MED28: variants seen among roughly 807,000 people sequenced by gnomAD.
MED28 encodes mediator of RNA polymerase II transcription subunit 28.
A neutral mutation model predicts 21.3 loss-of-function variants in MED28; 26 were observed. That is an observed-to-expected ratio of 1.22 (90% CI 0.89 to 1.69). The LOEUF (loss-of-function observed/expected upper bound fraction) is 1.69. Ranked by LOEUF, MED28 falls within the 40% of genes most tolerant of loss-of-function variation. The pLI, the probability that MED28 is intolerant of heterozygous loss-of-function variation, is 0.00. For missense variants in MED28, 257 were observed against 215.4 expected, an observed-to-expected ratio of 1.19 and a Z score of -1.21; for synonymous variants, 110 against 87.6, an observed-to-expected ratio of 1.26 and a Z score of -1.43.
chr4:17,616,725 A>T, intron 1 of MED28, among the ~76,000 whole-genome samples: 1 of 152,134 alleles, frequency 6.6e-6, no homozygotes, highest in East Asian at 1.9e-4. Flanking sequence ...GAAGTCAGAG[A>T]CTACCTGTTT....
In MED28 at chr4:17,632,145, G is replaced by T. The variant is rs976573468; in HGVS notation, c.*8347G>T. The T allele has an allele frequency of 7.4e-6, 1 of 135,646 alleles. No homozygotes were observed. Among genetic ancestry groups the T allele is most frequent in the African/African-American group, 2.8e-5 (1 of 35,794 alleles). The allele number at this position is 135,646 out of a possible 1,614,324, so 8.4% of individuals were successfully genotyped here. ...GTTGGAATGCAGGAGTTCGAACTTG[G>T]CTCACTGCAACCTCTGCCTCCTAGG... On this transcript the variant is annotated 3_prime_UTR_variant, in exon 4 of 4. Transcript: ENST00000237380.
In MED28 at chr4:17,625,702, GCTAA is replaced by G. The variant is rs1458994519; in HGVS notation, c.*1907_*1910del. Reference sequence around the variant, plus strand: ...AATCCTCTAAGAAACCCTCTGAGCTGCTAACTTTTTCAGGGAGAAAATCACAAGC... The same window carrying G: ...AATCCTCTAAGAAACCCTCTGAGCTGCTTTTTCAGGGAGAAAATCACAAGC... On this transcript the variant is annotated 3_prime_UTR_variant, in exon 4 of 4. Coordinates refer to ENST00000237380, the MANE Select transcript of MED28 (RefSeq NM_025205.5). 1 of 445,118 alleles carries G rather than the reference GCTAA, an allele frequency of 2.2e-6. No homozygotes were observed. The highest frequency in any genetic ancestry group is 4.5e-6 in the Non-Finnish European group (1 of 223,866). 27.6% of individuals were successfully genotyped at this position (445,118 alleles called of 1,614,324 possible). A position where few individuals can be genotyped will look rare whatever the true frequency, so the allele number is the denominator to read the frequency against.
intron 3 of MED28, among the ~76,000 whole-genome samples, chr4:17,622,115 T>A (rs1486045349): frequency 6.6e-6 from 1 of 152,254 alleles, no homozygotes; most frequent in Non-Finnish European, 1.5e-5. Context: ...CCCAGGTTCC[T>A]GGAAACTCAG....
At chr4:17,614,877 G>T in intron 1 of MED28, 64 bp downstream of exon 1, 2 of 1,512,606 alleles carry the variant, frequency 1.3e-6, no homozygotes, top group Non-Finnish European at 1.8e-6. Context: ...TGAACTGCGC[G>T]TACGCGTATC....
chr4:17,630,198 C>T lies in MED28; in HGVS notation c.*6400C>T, dbSNP rs1310148864. On this transcript the variant is annotated 3_prime_UTR_variant, in exon 4 of 4. Transcript: ENST00000237380. ...GTTTCAACACACAAAAATAGAACCA[C>T]CTGTATGTAGTCTTTTTGAAAGCAC... 1 of 152,118 alleles carries T rather than the reference C, an allele frequency of 6.6e-6. No individual in the cohort carries two copies. The highest frequency in any genetic ancestry group is 1.5e-5 in the Non-Finnish European group (1 of 68,010). 9.4% of individuals were successfully genotyped at this position (152,118 alleles called of 1,614,324 possible).
rs890044668 is a variant in MED28, at chr4:17,634,091, A to G, written c.*10293A>G. 1.7e-5 allele frequency: 7 copies of G among 403,468 alleles called. No homozygotes were observed. The highest frequency in any genetic ancestry group is 7.9e-5 in the East Asian group (2 of 25,452). 25.0% of individuals were successfully genotyped at this position (403,468 alleles called of 1,614,324 possible). The stretch of plus-strand genomic sequence containing the variant: ...TTATAAATAAATATGTATGTTCACA[A>G]CCTCTTAACCAAAACTTCTGGAGAT... On this transcript the variant is annotated 3_prime_UTR_variant, in exon 4 of 4. Transcript: ENST00000237380.
intron 1 of MED28, among the ~76,000 whole-genome samples, chr4:17,617,254 G>A (rs141422846): frequency 5.3e-5 from 8 of 152,320 alleles, no homozygotes; most frequent in African/African-American, 1.9e-4. Context: ...AACTTTTCCT[G>A]TTTCCTTCCT....
intron 1 of MED28, among the ~76,000 whole-genome samples, chr4:17,615,018 T>C (rs2108914190): frequency 6.6e-6 from 1 of 152,332 alleles, no homozygotes; most frequent in South Asian, 2.1e-4. Flanking sequence ...ACTCGACGTT[T>C]GTGGAAACGT....
In MED28 at chr4:17,630,719, G is replaced by T. The variant is rs1227382939; in HGVS notation, c.*6921G>T. On this transcript the variant is annotated 3_prime_UTR_variant, in exon 4 of 4. Coordinates refer to ENST00000237380, the MANE Select transcript of MED28 (RefSeq NM_025205.5). ...GCATTTAAAAATGCATTGGAGCCTC[G>T]TTTTGATTAGGCAGTAAATTTACCT... 6.6e-6 allele frequency: 1 copy of T among 151,852 alleles called. No individual in the cohort carries two copies. Among genetic ancestry groups the T allele is most frequent in the Non-Finnish European group, 1.5e-5 (1 of 68,002 alleles). The allele number at this position is 151,852 out of a possible 1,614,324, so 9.4% of individuals were successfully genotyped here. A position where few individuals can be genotyped will look rare whatever the true frequency, so the allele number is the denominator to read the frequency against.
At chr4:17,615,702 C>G (rs1028499390) in intron 1 of MED28, among the ~76,000 whole-genome samples, 1 of 152,000 alleles carries the variant, frequency 6.6e-6, no homozygotes. Context: ...CCCAGGTACT[C>G]GAGAGGCTGA....
intron 3 of MED28, among the ~76,000 whole-genome samples, chr4:17,623,098 T>C (rs1714681186): frequency 6.6e-6 from 1 of 152,168 alleles, no homozygotes; most frequent in Non-Finnish European, 1.5e-5. Flanking sequence ...CATATTACTT[T>C]CTATAAGAAA....
chr4:17,621,088 C>T (rs1714616203), intron 2 of MED28, among the ~76,000 whole-genome samples: 1 of 147,830 alleles, frequency 6.8e-6, no homozygotes. Context: ...GATCTCGGCT[C>T]ACTGCAACCT....
chr4:17,614,702 C>A lies in MED28; in HGVS notation c.48C>A (p.Pro16=), dbSNP rs977777265. 4 of 1,614,088 alleles carry A rather than the reference C, an allele frequency of 2.5e-6. No homozygotes were observed. In the African/African-American group the frequency reaches 5.3e-5, roughly 22 times the overall value. ...GGMFSGQPPG[P]PQAPPGLPGQ... ...TGTTTTCTGGGCAGCCACCCGGTCC[C>A]CCTCAGGCCCCGCCGGGCCTTCCGG... Residue 16 remains proline (P), a synonymous_variant, in exon 1 of 4, where the codon CCC becomes CCA. Transcript: ENST00000237380.
Position 17,624,024 on chromosome 4 carries a change from T to C in MED28, c.*226T>C. 1.8e-6 allele frequency: 1 copy of C among 556,102 alleles called. No homozygotes were observed. The highest frequency in any genetic ancestry group is 3.2e-6 in the Non-Finnish European group (1 of 312,680). The allele number at this position is 556,102 out of a possible 1,614,324, so 34.4% of individuals were successfully genotyped here. ...GATAAACCAAGTAAGTATTTTTTTT[T>C]TGTCTTTAGCAAAGTTTAGACTGTG... On this transcript the variant is annotated 3_prime_UTR_variant, in exon 4 of 4. Transcript: ENST00000237380.
intron 1 of MED28, among the ~76,000 whole-genome samples, chr4:17,616,234 C>T (rs1714448313): frequency 6.6e-6 from 1 of 152,214 alleles, no homozygotes; most frequent in African/African-American, 2.4e-5. Flanking sequence ...GGATTACAGG[C>T]GTGAGCCACT....
In MED28 at chr4:17,629,687, T is replaced by C. The variant is rs1271315854; in HGVS notation, c.*5889T>C. ...TCCCGAATTGGATAATTTCTCTTCATCTTCACTGTCACCTCTACGCCATCA... is the reference window on the plus strand; with the variant it reads ...TCCCGAATTGGATAATTTCTCTTCACCTTCACTGTCACCTCTACGCCATCA... On this transcript the variant is annotated 3_prime_UTR_variant, in exon 4 of 4. Transcript: ENST00000237380. The C allele has an allele frequency of 6.6e-6, 1 of 152,240 alleles. No individual in the cohort carries two copies. The highest frequency in any genetic ancestry group is 2.4e-5 in the African/African-American group (1 of 41,462). 9.4% of individuals were successfully genotyped at this position (152,240 alleles called of 1,614,324 possible).
At chr4:17,619,399 CAGATAATAATGGA>C (rs1407960343) in intron 1 of MED28, among the ~76,000 whole-genome samples, 1 of 152,142 alleles carries the variant, frequency 6.6e-6, no homozygotes, top group Admixed American at 6.5e-5. Flanking sequence ...TAGTAGGGGA[CAGATAATAATGGA>C]TGAAAATAAT....
At chr4:17,620,513 A>C (rs1048987283) in intron 2 of MED28, among the ~76,000 whole-genome samples, 10 of 152,158 alleles carry the variant, frequency 6.6e-5, no homozygotes, top group African/African-American at 2.4e-4. Flanking sequence ...TTATATTTTT[A>C]GTAGAGACGG....
Position 17,628,308 on chromosome 4 carries a change from ATATGTGTATG to A in MED28, c.*4518_*4527del, listed in dbSNP as rs1259349357. 2 of 145,414 alleles carry A rather than the reference ATATGTGTATG, an allele frequency of 1.4e-5. No individual in the cohort carries two copies. The highest frequency in any genetic ancestry group is 2.6e-5 in the African/African-American group (1 of 37,834). The allele number at this position is 145,414 out of a possible 1,614,324, so 9.0% of individuals were successfully genotyped here. ...TGTGTGTGTATGTGTATATGCGTAT[ATATGTGTATG>A]TATGTGTGTATATATATATGTGTGT... On this transcript the variant is annotated 3_prime_UTR_variant, in exon 4 of 4. Coordinates refer to ENST00000237380, the MANE Select transcript of MED28 (RefSeq NM_025205.5).
Sources: allele counts gnomAD v4.1 joint callset (sites outside exome capture counted in the v4.1 genomes callset), GRCh38; gene constraint gnomAD v4.1.1; transcripts MANE v1.5; gene names NCBI Gene and HGNC (gene_info 2026-07-23, HGNC 2026-07-21).